The following PMM2 variants were observed in gnomAD, a reference collection of about 807,000 sequenced individuals.
PMM2 encodes phosphomannomutase 2.
Under a neutral mutation model 33.2 loss-of-function variants are expected in PMM2, and 35 were observed. That is an observed-to-expected ratio of 1.06 (90% confidence interval 0.81 to 1.40). The LOEUF is 1.40. Ranked by LOEUF, PMM2 falls within the 40% of genes most tolerant of loss-of-function variation. The pLI, the probability that PMM2 is intolerant of heterozygous loss-of-function variation, is 0.00. For missense variants in PMM2, 386 were observed against 306.0 expected, an observed-to-expected ratio of 1.26 and a Z score of -1.95; for synonymous variants, 153 against 114.7, an observed-to-expected ratio of 1.33 and a Z score of -2.13.
intron 4 of PMM2, chr16:8,810,684 T>TTC (rs2060672407): frequency 3.1e-6 from 1 of 325,944 alleles, no homozygotes; most frequent in Non-Finnish European, 5.9e-6. Context: ...TCATGGAATC[T>TTC]TCCTGCCTCA....
chr16:8,821,676 A>G (rs1049587144), intron 7 of PMM2, among the ~76,000 whole-genome samples: 15 of 152,208 alleles, frequency 9.9e-5, no homozygotes, highest in African/African-American at 3.6e-4. Context: ...AACAGACCCA[A>G]GGGTCACTCG....
At chr16:8,802,308 C>G (rs775500964) in intron 2 of PMM2, 1 of 455,898 alleles carries the variant, frequency 2.2e-6, no homozygotes, top group Non-Finnish European at 4.4e-6. Context: ...GCACAGGACC[C>G]CGAAAAACCA....
At chr16:8,827,613 C>T (rs1211237833) in intron 7 of PMM2, among the ~76,000 whole-genome samples, 2 of 147,226 alleles carry the variant, frequency 1.4e-5, no homozygotes, top group African/African-American at 5.0e-5. Flanking sequence ...CCAGGCTGGT[C>T]TTGAACTCCT....
chr16:8,824,473 A>C (rs184780538), intron 7 of PMM2, among the ~76,000 whole-genome samples: 1 of 152,248 alleles, frequency 6.6e-6, no homozygotes, highest in Non-Finnish European at 1.5e-5. Context: ...ATTATTACTC[A>C]TAACATATAC....
At chr16:8,815,221 T>TC (rs1440913128) in intron 7 of PMM2, among the ~76,000 whole-genome samples, 2 of 150,642 alleles carry the variant, frequency 1.3e-5, no homozygotes. Flanking sequence ...TTTCTTTCTT[T>TC]TTTTTTTTTT....
At chr16:8,819,356 G>T (rs1008452311) in intron 7 of PMM2, among the ~76,000 whole-genome samples, 1 of 152,108 alleles carries the variant, frequency 6.6e-6, no homozygotes, top group African/African-American at 2.4e-5. Flanking sequence ...GTCTAAAGAG[G>T]GCAAAGGAAT....
In PMM2 at chr16:8,848,923, G is replaced by C. The variant is rs1031282544; in HGVS notation, c.*1098G>C. ...CTGGAAGGATCCCGGGTCTCAGCTA[G>C]AACACGGTGGAAGAGAACTTTCCTA... On this transcript the variant is annotated 3_prime_UTR_variant, in exon 8 of 8. Transcript: ENST00000268261. 1.3e-5 allele frequency: 2 copies of C among 152,286 alleles called. No individual in the cohort carries two copies. The highest frequency in any genetic ancestry group is 2.4e-5 in the African/African-American group (1 of 41,460). The allele number at this position is 152,286 out of a possible 1,614,324, so 9.4% of individuals were successfully genotyped here. A position where few individuals can be genotyped will look rare whatever the true frequency, so the allele number is the denominator to read the frequency against.
At position 8,848,738 on chromosome 16, in the gene PMM2, G is replaced by C. The variant is rs1185948914; in HGVS notation, c.*913G>C. ...AGGCGTTCGCCTCTAGTTTCTCAGG[G>C]ATGGAGCGAGAGCCCAGCCAGAGAA... On this transcript the variant is annotated 3_prime_UTR_variant, in exon 8 of 8. Transcript: ENST00000268261. The C allele has an allele frequency of 1.3e-5, 2 of 152,276 alleles. No homozygotes were observed. Among genetic ancestry groups the C allele is most frequent in the Non-Finnish European group, 2.9e-5 (2 of 68,084 alleles). The allele number at this position is 152,276 out of a possible 1,614,324, so 9.4% of individuals were successfully genotyped here.
intron 7 of PMM2, among the ~76,000 whole-genome samples, chr16:8,825,541 G>C (rs571008470): frequency 9.4e-4 from 142 of 151,816 alleles, no homozygotes; most frequent in Admixed American, 2.4e-3. Context: ...GGCTGGTCTT[G>C]AACTCCTGAC....
Position 8,847,735 on chromosome 16 carries a change from C to T in PMM2, c.651C>T (p.Asp217=), listed in dbSNP as rs752614554. The T allele has an allele frequency of 1.9e-6, 3 of 1,613,090 alleles. No individual in the cohort carries two copies. Among genetic ancestry groups the T allele is most frequent in the Non-Finnish European group, 2.5e-6 (3 of 1,179,116 alleles). ...FGDKTMPGGN[D]HEIFTDPRTM... ...TCGTGTCTTTCCAGGGTGGCAATGA[C>T]CATGAGATCTTCACAGACCCCAGAA... The change falls in exon 8 of 8, where the codon GAC becomes GAT. Residue 217 remains aspartate, a synonymous_variant. Coordinates refer to ENST00000268261, the MANE Select transcript of PMM2 (RefSeq NM_000303.3).
At chr16:8,804,439 G>C (rs1402286120) in intron 2 of PMM2, among the ~76,000 whole-genome samples, 1 of 152,138 alleles carries the variant, frequency 6.6e-6, no homozygotes, top group Non-Finnish European at 1.5e-5. Context: ...TTTTCACACT[G>C]CCCTGGTTGC....
Position 8,848,383 on chromosome 16 carries a change from C to G in PMM2, c.*558C>G, listed in dbSNP as rs989706387. 1 of 175,934 alleles carries G rather than the reference C, an allele frequency of 5.7e-6. No individual in the cohort carries two copies. The highest frequency in any genetic ancestry group is 2.4e-5 in the African/African-American group (1 of 42,018). The allele number at this position is 175,934 out of a possible 1,614,324, so 10.9% of individuals were successfully genotyped here. On this transcript the variant is annotated 3_prime_UTR_variant, in exon 8 of 8. Transcript: ENST00000268261. ...GGCTGTGAGTGGGGCAGTGTGATACCCAGTGACTAGACGCACTCTGCGTTT... is the reference window on the plus strand; with the variant it reads ...GGCTGTGAGTGGGGCAGTGTGATACGCAGTGACTAGACGCACTCTGCGTTT...
chr16:8,830,137 G>T (rs1026585972), intron 7 of PMM2, among the ~76,000 whole-genome samples: 1 of 152,228 alleles, frequency 6.6e-6, no homozygotes, highest in Non-Finnish European at 1.5e-5. Flanking sequence ...CATTAGTAGA[G>T]ATGGTGCCAG....
intron 3 of PMM2, among the ~76,000 whole-genome samples, chr16:8,805,499 A>G (rs2141019541): frequency 1.3e-5 from 2 of 152,210 alleles, no homozygotes; most frequent in South Asian, 4.2e-4. Context: ...AGCAGGGACT[A>G]CAGGCACATG....
Position 8,832,012 on chromosome 16 carries a change from G to A in PMM2, c.640-15712G>A, listed in dbSNP as rs543629872. The A allele has an allele frequency of 3.2e-4, 116 of 363,844 alleles. No homozygotes were observed. In the South Asian group the frequency reaches 5.7e-3, roughly 18 times the overall value. 22.5% of individuals were successfully genotyped at this position (363,844 alleles called of 1,614,324 possible). Reference sequence around the variant, plus strand: ...CAACTAGAATCAAGTAACCTTTAGTGCATATGCAAATCCAGCATTTGAAAT... The same window carrying A: ...CAACTAGAATCAAGTAACCTTTAGTACATATGCAAATCCAGCATTTGAAAT... On this transcript the variant is annotated intron_variant, in intron 7 of 7. Transcript: ENST00000268261.
chr16:8,824,066 G>A (rs570472629), intron 7 of PMM2, among the ~76,000 whole-genome samples: 1 of 152,184 alleles, frequency 6.6e-6, no homozygotes, highest in Non-Finnish European at 1.5e-5. Flanking sequence ...CCAAATTCTG[G>A]AGAAATCAGA....
At chr16:8,832,790 G>A in intron 7 of PMM2, 1 of 985,376 alleles carries the variant, frequency 1.0e-6, no homozygotes, top group Non-Finnish European at 1.2e-6. Context: ...GAGGCCCGCT[G>A]TGGCCCGGCC....
At chr16:8,814,851 T>C (rs2060697451) in intron 7 of PMM2, among the ~76,000 whole-genome samples, 1 of 152,184 alleles carries the variant, frequency 6.6e-6, no homozygotes, top group African/African-American at 2.4e-5. Flanking sequence ...ACATGAGATA[T>C]TCCCTCTTAA....
At chr16:8,805,828 C>T (rs540413375) in intron 3 of PMM2, among the ~76,000 whole-genome samples, 5 of 152,096 alleles carry the variant, frequency 3.3e-5, no homozygotes, top group African/African-American at 9.7e-5. Flanking sequence ...GACTTGAAGT[C>T]ATCCACCTGC....
Sources: gnomAD v4.1 joint callset for allele counts (sites outside exome capture counted in the v4.1 genomes callset) on GRCh38, gnomAD v4.1.1 for gene constraint, MANE v1.5 for transcripts, NCBI Gene and HGNC (gene_info 2026-07-23, HGNC 2026-07-21) for gene names.